The following BRI3 variants were observed in gnomAD, a reference collection of about 807,000 sequenced individuals.
BRI3 encodes the protein brain protein I3.
Under a neutral mutation model 12.8 loss-of-function variants are expected in BRI3, and 6 were observed. The observed-to-expected ratio is 0.47, with a 90% CI of 0.26 to 0.93. The LOEUF is 0.93. Among genes scored for constraint, BRI3 ranks in the 40% least tolerant of loss-of-function variants. The probability of loss-of-function intolerance (pLI) is 0.15; values close to 1 mark genes in which losing one functional copy is unlikely to be tolerated. For missense variants in BRI3, 134 were observed against 171.1 expected, an observed-to-expected ratio of 0.78 and a Z score of 1.21; for synonymous variants, 91 against 76.1, an observed-to-expected ratio of 1.20 and a Z score of -1.02.
intron 2 of BRI3, among the ~76,000 whole-genome samples, chr7:98,286,064 A>G (rs11766808): frequency 0.4 from 61,179 of 152,010 alleles, 13,436 homozygotes; most frequent in Middle Eastern, 0.54. Flanking sequence ...TTTGGGGGCT[A>G]CCTGGGAGGG....
At chr7:98,306,606 C>G in exon 1 of BRI3, 3 of 1,582,842 alleles carry the variant, frequency 1.9e-6, no homozygotes, top group Non-Finnish European at 2.6e-6. Context: ...TCAGGGCAGA[C>G]AGGTCCACTG....
At chr7:98,291,613 AC>A, downstream of BRI3, 1 of 806,232 alleles carries the variant, frequency 1.2e-6, no homozygotes, top group Non-Finnish European at 1.5e-6. Context: ...AGTCCTGACC[AC>A]AGTTGTATTC....
Position 98,306,651 on chromosome 7 carries a change from T to G in BRI3, n.130T>G, listed in dbSNP as rs771725767. On this transcript the variant is annotated non_coding_transcript_exon_variant, in exon 1 of 2. Coordinates refer to the BRI3 transcript ENST00000485422. ...CGCCCATGTGTGGAGGAAATGAAATTAAGGCTTTTAATAGGTAAATATGGA... is the reference window on the plus strand; with the variant it reads ...CGCCCATGTGTGGAGGAAATGAAATGAAGGCTTTTAATAGGTAAATATGGA... 2.1e-5 allele frequency: 27 copies of G among 1,288,342 alleles called. No homozygotes were observed. The Admixed American group carries it at 2.2e-4, about 10-fold the overall frequency. 79.8% of individuals were successfully genotyped at this position (1,288,342 alleles called of 1,614,324 possible). A position where few individuals can be genotyped will look rare whatever the true frequency, so the allele number is the denominator to read the frequency against.
chr7:98,320,405 G>T, the BRI3 span: 1 of 806,104 alleles, frequency 1.2e-6, no homozygotes, highest in Non-Finnish European at 2.0e-6. Context: ...GCACGATCTT[G>T]GCCCGCTGCA....
At chr7:98,310,443 A>G (rs753517480), downstream of BRI3, 2 of 1,587,546 alleles carry the variant, frequency 1.3e-6, no homozygotes, top group Non-Finnish European at 1.7e-6. Context: ...TGAATCTCTT[A>G]CCTGTTGAAT....
downstream of BRI3, among the ~76,000 whole-genome samples, chr7:98,294,540 C>T (rs190748717): frequency 2.2e-4 from 34 of 152,260 alleles, no homozygotes; most frequent in East Asian, 5.4e-3. Context: ...CTGCTAAACT[C>T]GGAAACAGTT....
chr7:98,316,287 G>T, the BRI3 span, among the ~76,000 whole-genome samples: 123 of 152,092 alleles, frequency 8.1e-4, no homozygotes, highest in African/African-American at 2.8e-3. Context: ...TTTGTAAATT[G>T]CCCAGTCTCG....
chr7:98,295,198 GCCT>G (rs1178743603), downstream of BRI3, among the ~76,000 whole-genome samples: 1 of 152,204 alleles, frequency 6.6e-6, no homozygotes, highest in Admixed American at 6.5e-5. Flanking sequence ...CCCAGGCCAG[GCCT>G]CCTCTGGGAT....
exon 2 of BRI3, chr7:98,308,843 C>T (rs1263920677): frequency 2.6e-5 from 4 of 153,096 alleles, no homozygotes; most frequent in Admixed American, 2.6e-4. Flanking sequence ...ATGCCAGGTT[C>T]ATTTTTAAAT....
At position 98,281,893 on chromosome 7, in the gene BRI3, T is replaced by TCCCCGCCGCGC. The variant is rs1247758421; in HGVS notation, c.108_118dup (p.Pro40ArgfsTer40). On this transcript the variant is annotated frameshift_variant, in exon 1 of 3. Coordinates refer to ENST00000297290, the MANE Select transcript of BRI3 (RefSeq NM_015379.5). LOFTEE classifies it high-confidence loss of function. ...TGCGGCCCGCACGGCTACGGCGCCA[T>TCCCCGCCGCGC]CCCCGCCGCGCCCCCGCCGCCGCCC... is the stretch of plus-strand genomic sequence containing the variant. 3.9e-6 allele frequency: 5 copies of TCCCCGCCGCGC among 1,297,134 alleles called. No individual in the cohort carries two copies. In the Admixed American group the frequency reaches 2.0e-4, roughly 51 times the overall value. The allele number at this position is 1,297,134 out of a possible 1,614,324, so 80.4% of individuals were successfully genotyped here.
chr7:98,298,355 G>GT (rs1421169936), intron 1 of BRI3, among the ~76,000 whole-genome samples: 1 of 152,250 alleles, frequency 6.6e-6, no homozygotes, highest in Non-Finnish European at 1.5e-5. Context: ...GCTCACGCCT[G>GT]TAATCCCAGC....
downstream of BRI3, chr7:98,312,079 G>A (rs1210944943): frequency 1.3e-6 from 2 of 1,575,082 alleles, no homozygotes; most frequent in South Asian, 1.2e-5. Flanking sequence ...AAATCTGGAA[G>A]AGAAAACTGG....
At chr7:98,321,864 G>A in the BRI3 span, among the ~76,000 whole-genome samples, 5 of 152,204 alleles carry the variant, frequency 3.3e-5, no homozygotes, top group African/African-American at 9.6e-5. Context: ...TTGGGAGGCT[G>A]AGGTGGGAGT....
intron 1 of BRI3, among the ~76,000 whole-genome samples, chr7:98,300,700 G>A (rs1800385316): frequency 6.6e-6 from 1 of 152,086 alleles, no homozygotes; most frequent in Non-Finnish European, 1.5e-5. Flanking sequence ...CCACCGTGAG[G>A]TGCGAAGGGT....
At chr7:98,299,914 A>C (rs1262609389) in intron 1 of BRI3, among the ~76,000 whole-genome samples, 32 of 151,968 alleles carry the variant, frequency 2.1e-4, no homozygotes. Context: ...GGTGGCATGC[A>C]CCTGTAGTCC....
At chr7:98,287,094 T>C (rs1584392519) in intron 2 of BRI3, among the ~76,000 whole-genome samples, 1 of 152,238 alleles carries the variant, frequency 6.6e-6, no homozygotes, top group Non-Finnish European at 1.5e-5. Flanking sequence ...GGGCCGGGGT[T>C]CTCAGGTCTG....
chr7:98,318,945 C>A, the BRI3 span, among the ~76,000 whole-genome samples: 744 of 114,134 alleles, frequency 6.5e-3, no homozygotes, highest in African/African-American at 8.9e-3. Context: ...GACTCCATCT[C>A]AAAAAAAAAA....
intron 2 of BRI3, among the ~76,000 whole-genome samples, chr7:98,289,835 G>A (rs1799841889): frequency 6.6e-6 from 1 of 152,132 alleles, no homozygotes. Context: ...CCTACTTTTA[G>A]GGCCTCTGAA....
At chr7:98,290,001 C>A (rs1187105244) in intron 2 of BRI3, among the ~76,000 whole-genome samples, 1 of 152,108 alleles carries the variant, frequency 6.6e-6, no homozygotes, top group Non-Finnish European at 1.5e-5. Flanking sequence ...AATAAGTGGC[C>A]TTCAGACATT....
Sources: gnomAD v4.1 joint callset for allele counts (sites outside exome capture counted in the v4.1 genomes callset) on GRCh38, gnomAD v4.1.1 for gene constraint, MANE v1.5 for transcripts, NCBI Gene and HGNC (gene_info 2026-07-23, HGNC 2026-07-21) for gene names.